The following AGMO variants were observed in gnomAD, a reference collection of about 807,000 sequenced individuals.
AGMO encodes the protein alkylglycerol monooxygenase, also known as glyceryl-ether monooxygenase.
Under a neutral mutation model 60.2 loss-of-function variants are expected in AGMO, and 75 were observed. The observed-to-expected ratio is 1.25, with a 90% confidence interval of 1.03 to 1.51. The LOEUF is 1.51. Ranked by LOEUF, AGMO falls within the 40% of genes most tolerant of loss-of-function variation. The pLI, the probability that AGMO is intolerant of heterozygous loss-of-function variation, is 0.00. For missense variants in AGMO, 763 were observed against 525.5 expected, an observed-to-expected ratio of 1.45 and a Z score of -4.42; for synonymous variants, 261 against 177.1, an observed-to-expected ratio of 1.47 and a Z score of -3.76.
At chr7:15,366,797 T>C (rs896793959) in intron 10 of AGMO, among the ~76,000 whole-genome samples, 1 of 152,068 alleles carries the variant, frequency 6.6e-6, no homozygotes, top group African/African-American at 2.4e-5. Context: ...TTCATGTTAA[T>C]ATGGCAGAGT....
At chr7:15,478,484 CA>C (rs2128516113) in intron 3 of AGMO, among the ~76,000 whole-genome samples, 1 of 152,260 alleles carries the variant, frequency 6.6e-6, no homozygotes, top group African/African-American at 2.4e-5. Context: ...ATCGCTGAAG[CA>C]AACCAGCTAA....
chr7:15,223,304 A>G (rs1283995845), intron 12 of AGMO, among the ~76,000 whole-genome samples: 2 of 151,924 alleles, frequency 1.3e-5, no homozygotes, highest in African/African-American at 4.8e-5. Flanking sequence ...ATCATTATTG[A>G]TATCTAAGAG....
chr7:15,206,739 G>T (rs1781449665), intron 12 of AGMO, among the ~76,000 whole-genome samples: 1 of 152,050 alleles, frequency 6.6e-6, no homozygotes, highest in Non-Finnish European at 1.5e-5. Context: ...AGTATCTACT[G>T]ATACTCATTT....
At chr7:15,132,960 G>C in the AGMO span, among the ~76,000 whole-genome samples, 1 of 152,114 alleles carries the variant, frequency 6.6e-6, no homozygotes, top group Non-Finnish European at 1.5e-5. Context: ...GGATGCAAGA[G>C]GGGAGCACGG....
intron 5 of AGMO, among the ~76,000 whole-genome samples, chr7:15,398,042 G>T (rs1054458588): frequency 2.6e-5 from 4 of 152,196 alleles, no homozygotes; most frequent in African/African-American, 9.7e-5. Context: ...TTGTATCTAT[G>T]ACAGAGAACC....
At chr7:15,556,343 T>C (rs997216033) in intron 2 of AGMO, among the ~76,000 whole-genome samples, 4 of 150,160 alleles carry the variant, frequency 2.7e-5, no homozygotes, top group African/African-American at 7.4e-5. Context: ...GCTAGCTCCA[T>C]AGTAAAAATT....
intron 12 of AGMO, among the ~76,000 whole-genome samples, chr7:15,224,248 C>T (rs1431402347): frequency 6.6e-6 from 1 of 151,946 alleles, no homozygotes; most frequent in African/African-American, 2.4e-5. Context: ...AAATCTTTCA[C>T]CTCTGTTGCA....
rs116269036 is a variant in AGMO, at chr7:15,248,129, C to T, written c.1264-46770G>A. On this transcript the variant is annotated intron_variant, in intron 12 of 12. Transcript: ENST00000342526. ...AATCATTAGCTGTTGTGGTGTAAGACGAGTTTAAACATGTCATAAAGAAGT... is the reference window on the plus strand; with the variant it reads ...AATCATTAGCTGTTGTGGTGTAAGATGAGTTTAAACATGTCATAAAGAAGT... Among the ~76,000 whole-genome samples the T allele has an allele frequency of 3.8e-3, 480 of 126,732 alleles. 2 individuals are homozygous for T. Among genetic ancestry groups the T allele is most frequent in the African/African-American group, 0.013 (461 of 34,748 alleles). 83.1% of individuals were successfully genotyped at this position (126,732 alleles called of 152,430 possible).
chr7:15,354,327 TACGC>T (rs1466233470), intron 12 of AGMO, among the ~76,000 whole-genome samples: 4 of 32,224 alleles, frequency 1.2e-4, no homozygotes, highest in Admixed American at 2.6e-4. Flanking sequence ...TGTATATACG[TACGC>T]GTGTATATAC....
intron 12 of AGMO, among the ~76,000 whole-genome samples, chr7:15,254,814 CA>C (rs1783047870): frequency 6.6e-6 from 1 of 150,952 alleles, no homozygotes; most frequent in South Asian, 2.1e-4. Flanking sequence ...CACAAAAATA[CA>C]AAGAATCATA....
chr7:15,396,414 C>T (rs1010141760), intron 5 of AGMO: 2 of 152,262 alleles, frequency 1.3e-5, no homozygotes, highest in African/African-American at 2.4e-5. Flanking sequence ...TTCCTTGGTT[C>T]AGTAACCTTG....
At chr7:15,363,623 T>G (rs746958380) in intron 12 of AGMO, among the ~76,000 whole-genome samples, 10 of 152,042 alleles carry the variant, frequency 6.6e-5, no homozygotes, top group Non-Finnish European at 1.5e-4. Context: ...ACTAAATAAG[T>G]AAACTGCCAT....
chr7:15,550,720 C>A (rs1193457239), intron 2 of AGMO, among the ~76,000 whole-genome samples: 1 of 143,056 alleles, frequency 7.0e-6, no homozygotes, highest in Non-Finnish European at 1.5e-5. Flanking sequence ...GGATTCACAG[C>A]CGAATTCTAC....
chr7:15,382,435 G>C (rs1260200389), intron 10 of AGMO, among the ~76,000 whole-genome samples: 1 of 152,168 alleles, frequency 6.6e-6, no homozygotes, highest in Non-Finnish European at 1.5e-5. Flanking sequence ...TTCATGACCT[G>C]ATGTTAGTTA....
downstream of AGMO, among the ~76,000 whole-genome samples, chr7:15,197,946 G>C (rs1032821111): frequency 6.6e-6 from 1 of 152,086 alleles, no homozygotes; most frequent in African/African-American, 2.4e-5. Context: ...TCATGGGCCT[G>C]TACAAGTTAT....
At chr7:15,388,174 AT>A (rs1283206006) in intron 8 of AGMO, among the ~76,000 whole-genome samples, 8 of 152,218 alleles carry the variant, frequency 5.3e-5, no homozygotes, top group East Asian at 1.9e-4. Context: ...ATTATAAAAA[AT>A]AATTTAAAAT....
chr7:15,176,107 A>G, the AGMO span, among the ~76,000 whole-genome samples: 3 of 152,012 alleles, frequency 2.0e-5, no homozygotes, highest in Admixed American at 6.6e-5. Flanking sequence ...CACTAGTCTA[A>G]ATTTACGTTT....
At chr7:15,203,685 A>G (rs1467002863) in intron 12 of AGMO, among the ~76,000 whole-genome samples, 3 of 152,072 alleles carry the variant, frequency 2.0e-5, no homozygotes, top group Non-Finnish European at 2.9e-5. Flanking sequence ...AATTCTCATG[A>G]CAAACTTTGG....
intron 3 of AGMO, among the ~76,000 whole-genome samples, chr7:15,544,192 T>G (rs975108484): frequency 1.1e-4 from 16 of 148,792 alleles, no homozygotes; most frequent in Non-Finnish European, 2.4e-4. Context: ...GGCATAAGAA[T>G]GATACATTGG....
Sources: gnomAD v4.1 joint callset for allele counts (sites outside exome capture counted in the v4.1 genomes callset) on GRCh38, gnomAD v4.1.1 for gene constraint, MANE v1.5 for transcripts, NCBI Gene and HGNC (gene_info 2026-07-23, HGNC 2026-07-21) for gene names.